The following TRPM3 variants were observed in gnomAD, a reference collection of about 807,000 sequenced individuals.
TRPM3 encodes long transient receptor potential channel 3.
In TRPM3, 77 loss-of-function variants were observed where a neutral mutation model predicts 181.2. That is an observed-to-expected ratio of 0.42 (90% CI 0.35 to 0.51). The LOEUF (loss-of-function observed/expected upper bound fraction) is 0.51, where lower values mean the gene tolerates loss of function less well. Among genes scored for constraint, TRPM3 ranks in the 20% least tolerant of loss-of-function variants. The pLI, the probability that TRPM3 is intolerant of heterozygous loss-of-function variation, is 0.01. For missense variants in TRPM3, 1,759 were observed against 2,196.7 expected, an observed-to-expected ratio of 0.80 and a Z score of 3.98; for synonymous variants, 745 against 796.4, an observed-to-expected ratio of 0.94 and a Z score of 1.09.
chr9:71,031,337 T>C (rs970486477), intron 1 of TRPM3, among the ~76,000 whole-genome samples: 7 of 152,232 alleles, frequency 4.6e-5, no homozygotes, highest in Non-Finnish European at 7.3e-5. Context: ...AGCAGAATTA[T>C]GGTTAGCCTC....
At chr9:70,609,716 C>T (rs970067716) in intron 19 of TRPM3, among the ~76,000 whole-genome samples, 1 of 152,212 alleles carries the variant, frequency 6.6e-6, no homozygotes, top group African/African-American at 2.4e-5. Flanking sequence ...CACAGGACCA[C>T]GTGAAAAGCA....
At chr9:71,065,912 G>A (rs1490723421) in intron 1 of TRPM3, among the ~76,000 whole-genome samples, 1 of 152,104 alleles carries the variant, frequency 6.6e-6, no homozygotes, top group African/African-American at 2.4e-5. Context: ...ATGACATATG[G>A]CAGTGGGATA....
chr9:71,400,075 A>G (rs572412101), intron 1 of TRPM3, among the ~76,000 whole-genome samples: 15 of 152,122 alleles, frequency 9.9e-5, no homozygotes, highest in Non-Finnish European at 1.5e-4. Context: ...TTGAAACACT[A>G]AGTCAGAGTC....
intron 8 of TRPM3, among the ~76,000 whole-genome samples, chr9:70,757,701 A>T (rs1019955245): frequency 5.9e-5 from 9 of 152,280 alleles, no homozygotes; most frequent in African/African-American, 1.7e-4. Context: ...ACATAATCCA[A>T]CACATAAACA....
intron 1 of TRPM3, among the ~76,000 whole-genome samples, chr9:71,204,886 T>A (rs1314269504): frequency 6.6e-6 from 1 of 152,122 alleles, no homozygotes; most frequent in East Asian, 1.9e-4. Context: ...TGCAGCCATT[T>A]AAAAGGATGA....
rs2041696318 is a variant in TRPM3, at chr9:70,536,200, T to G, written c.4913A>C (p.Asn1638Thr). The change falls in exon 26 of 26, where the codon AAC becomes ACC. Residue 1638 changes from asparagine to threonine, a missense_variant. By Grantham distance (65) the Asn-to-Thr change is moderately conservative. Transcript: ENST00000677713. ...GCGCTCTATCTTGGGAACAGTGATG[T>G]TGTTGGACAGGGTTCTCTCTGAGTT... ...GDNSERTLSNNITVPKIERAN... is the reference protein window; with the variant it reads ...GDNSERTLSNTITVPKIERAN... 1 of 1,614,184 alleles carries G rather than the reference T, an allele frequency of 6.2e-7. No homozygotes were observed. The highest frequency in any genetic ancestry group is 8.5e-7 in the Non-Finnish European group (1 of 1,180,032).
intron 9 of TRPM3, among the ~76,000 whole-genome samples, chr9:70,667,916 A>G (rs1158934805): frequency 6.6e-6 from 1 of 152,202 alleles, no homozygotes; most frequent in Non-Finnish European, 1.5e-5. Flanking sequence ...TTAGTCTTCC[A>G]GTGTATAATA....
upstream of TRPM3, chr9:71,446,902 G>A (rs1026291426): frequency 1.4e-5 from 20 of 1,427,146 alleles, no homozygotes; most frequent in South Asian, 2.7e-4. Context: ...TCCTCGCCGC[G>A]GGTCTCCCTC....
At chr9:71,327,049 A>C (rs1255922429) in intron 1 of TRPM3, among the ~76,000 whole-genome samples, 1 of 152,220 alleles carries the variant, frequency 6.6e-6, no homozygotes, top group Non-Finnish European at 1.5e-5. Flanking sequence ...CTACTCTTAC[A>C]GAAAATCCTC....
chr9:71,118,664 C>T (rs184049088), intron 1 of TRPM3, among the ~76,000 whole-genome samples: 18 of 152,192 alleles, frequency 1.2e-4, no homozygotes, highest in Middle Eastern at 3.4e-3. Flanking sequence ...TAGAACAATG[C>T]TTGGAAGAGG....
At chr9:70,678,353 A>G (rs1320595) in intron 9 of TRPM3, among the ~76,000 whole-genome samples, 99,720 of 151,884 alleles carry the variant, frequency 0.66, 33,153 homozygotes, top group African/African-American at 0.76. Context: ...CTGCAGCCAT[A>G]ACCTCCTGGG....
chr9:71,337,232 C>T (rs2090622645), intron 1 of TRPM3, among the ~76,000 whole-genome samples: 1 of 151,856 alleles, frequency 6.6e-6, no homozygotes, highest in East Asian at 1.9e-4. Context: ...CTTAAATTTA[C>T]AAGAAAAAAA....
rs548987371 is a variant in TRPM3, at chr9:71,081,281, T to A, written c.177+39897A>T. Among the ~76,000 whole-genome samples, 145 of 152,242 alleles carry A rather than the reference T, an allele frequency of 9.5e-4. 1 individual carries two copies. The highest frequency in any genetic ancestry group is 3.3e-3 in the African/African-American group (136 of 41,516). ...GAACATGCAAGGCAATCTGTGGACC[T>A]AATTAGGAAGGTGGGCTCTCAAGGA... On this transcript the variant is annotated intron_variant, in intron 1 of 25. Coordinates refer to ENST00000677713, the MANE Select transcript of TRPM3 (RefSeq NM_001366145.2).
chr9:71,337,942 G>A (rs1299550909), intron 1 of TRPM3, among the ~76,000 whole-genome samples: 1 of 152,128 alleles, frequency 6.6e-6, no homozygotes, highest in Non-Finnish European at 1.5e-5. Context: ...CAGGGTGGGG[G>A]GCCAGGGGAG....
At chr9:71,237,267 C>A (rs868010594) in intron 1 of TRPM3, among the ~76,000 whole-genome samples, 1 of 152,146 alleles carries the variant, frequency 6.6e-6, no homozygotes, top group Non-Finnish European at 1.5e-5. Context: ...AATCTTAAAT[C>A]AAACATTGTT....
intron 1 of TRPM3, among the ~76,000 whole-genome samples, chr9:71,232,603 C>A (rs923016704): frequency 1.4e-5 from 2 of 144,646 alleles, no homozygotes; most frequent in Admixed American, 1.4e-4. Context: ...CAGGTTCAAG[C>A]AATTCTCCTG....
At chr9:71,259,070 G>T (rs1260342999) in intron 1 of TRPM3, among the ~76,000 whole-genome samples, 1 of 151,780 alleles carries the variant, frequency 6.6e-6, no homozygotes, top group Non-Finnish European at 1.5e-5. Context: ...ACAGGCCCCA[G>T]TGTGTGATGT....
chr9:70,864,485 T>C lies in TRPM3; in HGVS notation c.204A>G (p.Ala68=). ...TGTGGACACATTCTCTTTTATAAAA[T>C]GCTCTTTCTATCCAGGATTTCTGAG... ...LKAQKSWIER[A]FYKRECVHII... The change falls in exon 2 of 26, where the codon GCA becomes GCG. Residue 68 remains alanine (A), a synonymous_variant. Transcript: ENST00000677713. 3 of 1,462,694 alleles carry C rather than the reference T, an allele frequency of 2.1e-6. No individual in the cohort carries two copies. The highest frequency in any genetic ancestry group is 2.7e-6 in the Non-Finnish European group (3 of 1,113,918). 90.6% of individuals were successfully genotyped at this position (1,462,694 alleles called of 1,614,324 possible).
intron 19 of TRPM3, among the ~76,000 whole-genome samples, chr9:70,607,969 G>A (rs117452924): frequency 3.4e-3 from 515 of 152,232 alleles, no homozygotes; most frequent in Non-Finnish European, 6.0e-3. Context: ...CCTTAAGTTC[G>A]GCCTGAAGTT....
Sources: gnomAD v4.1 joint callset for allele counts (sites outside exome capture counted in the v4.1 genomes callset) on GRCh38, gnomAD v4.1.1 for gene constraint, MANE v1.5 for transcripts, NCBI Gene and HGNC (gene_info 2026-07-23, HGNC 2026-07-21) for gene names.